The following ASTN2 variants were observed in gnomAD, a reference collection of about 807,000 sequenced individuals.
ASTN2 encodes astrotactin-2.
In ASTN2, 54 loss-of-function variants were observed where a neutral mutation model predicts 139.8. The observed-to-expected ratio is 0.39, with a 90% CI of 0.31 to 0.48. The LOEUF (loss-of-function observed/expected upper bound fraction) is 0.48, where lower values mean the gene tolerates loss of function less well. ASTN2 is among the 20% of genes least tolerant of loss of function. The pLI, the probability that ASTN2 is intolerant of heterozygous loss-of-function variation, is 0.95. For synonymous variants in ASTN2, 756 were observed against 719.5 expected (o/e 1.05, Z -0.81); for missense variants, 1,565 against 1,725.1 (o/e 0.91, Z 1.64).
At chr9:116,532,839 A>C (rs1203228645) in intron 19 of ASTN2, among the ~76,000 whole-genome samples, 1 of 152,190 alleles carries the variant, frequency 6.6e-6, no homozygotes, top group Non-Finnish European at 1.5e-5. Context: ...TGTCTTGGCA[A>C]TTCGGACTCT....
intron 17 of ASTN2, among the ~76,000 whole-genome samples, chr9:116,647,965 G>A (rs1050749147): frequency 6.6e-6 from 1 of 151,482 alleles, no homozygotes; most frequent in African/African-American, 2.4e-5. Context: ...GTAGCTGGAT[G>A]ACAGGTGTGC....
intron 2 of ASTN2, among the ~76,000 whole-genome samples, chr9:117,263,242 G>A (rs889757265): frequency 6.6e-6 from 1 of 152,066 alleles, no homozygotes; most frequent in Non-Finnish European, 1.5e-5. Flanking sequence ...TTATGACCGG[G>A]AGAGATTTTG....
chr9:116,546,086 A>T (rs1290571552), intron 19 of ASTN2: 1 of 152,256 alleles, frequency 6.6e-6, no homozygotes, highest in Non-Finnish European at 1.5e-5. Context: ...TAAAGATGAG[A>T]GTGCCTCGGG....
At chr9:116,701,964 A>G (rs1345215483) in intron 16 of ASTN2, among the ~76,000 whole-genome samples, 1 of 151,766 alleles carries the variant, frequency 6.6e-6, no homozygotes, top group African/African-American at 2.4e-5. Context: ...ATCATGTAAA[A>G]TAGATCAAAG....
chr9:116,563,361 C>T (rs62576080), intron 19 of ASTN2, among the ~76,000 whole-genome samples: 3 of 149,832 alleles, frequency 2.0e-5, no homozygotes, highest in East Asian at 2.0e-4. Flanking sequence ...GGTGATAGAG[C>T]GAGACTCTGT....
At chr9:117,076,438 T>A (rs1039941938) in intron 5 of ASTN2, among the ~76,000 whole-genome samples, 2 of 152,062 alleles carry the variant, frequency 1.3e-5, no homozygotes, top group African/African-American at 2.4e-5. Context: ...GAGGGATTCA[T>A]CTCATTGAAA....
At chr9:116,508,693 T>C (rs1850222523) in intron 19 of ASTN2, among the ~76,000 whole-genome samples, 1 of 152,152 alleles carries the variant, frequency 6.6e-6, no homozygotes, top group African/African-American at 2.4e-5. Flanking sequence ...GGAGGTGATT[T>C]GTCACAACAG....
chr9:117,370,588 TA>T (rs1395513855), intron 1 of ASTN2, among the ~76,000 whole-genome samples: 1 of 152,222 alleles, frequency 6.6e-6, no homozygotes, highest in Non-Finnish European at 1.5e-5. Flanking sequence ...TTATAGCTCC[TA>T]TTTTATTAAA....
chr9:116,774,807 C>G (rs1830038717), intron 13 of ASTN2, among the ~76,000 whole-genome samples: 1 of 152,200 alleles, frequency 6.6e-6, no homozygotes, highest in South Asian at 2.1e-4. Context: ...TCATTTTCCT[C>G]ACCATGACTG....
intron 6 of ASTN2, among the ~76,000 whole-genome samples, chr9:117,026,644 G>A (rs1353803859): frequency 1.3e-5 from 2 of 152,010 alleles, no homozygotes; most frequent in Non-Finnish European, 1.5e-5. Flanking sequence ...AACTCAATAT[G>A]GCAGCGCCTA....
intron 19 of ASTN2, among the ~76,000 whole-genome samples, chr9:116,572,671 C>T (rs1197083135): frequency 6.6e-6 from 1 of 152,138 alleles, no homozygotes; most frequent in Non-Finnish European, 1.5e-5. Context: ...GTCAGCTATT[C>T]CCAATTTATG....
chr9:116,527,997 A>C (rs1851168162), intron 19 of ASTN2, among the ~76,000 whole-genome samples: 1 of 152,192 alleles, frequency 6.6e-6, no homozygotes, highest in Non-Finnish European at 1.5e-5. Context: ...AGCAGTGTGA[A>C]AACAACTAAT....
intron 10 of ASTN2, among the ~76,000 whole-genome samples, chr9:116,890,316 C>T (rs116079645): frequency 0.023 from 3,573 of 152,272 alleles, 135 homozygotes; most frequent in African/African-American, 0.081. Flanking sequence ...ATTCCATATT[C>T]CTAACTGCAC....
chr9:116,776,713 T>G (rs1830095812), intron 13 of ASTN2, among the ~76,000 whole-genome samples: 1 of 151,760 alleles, frequency 6.6e-6, no homozygotes, highest in Non-Finnish European at 1.5e-5. Context: ...GCTTGGAGAG[T>G]GCTGGCAATG....
chr9:116,948,089 AT>A (rs1460933745), intron 10 of ASTN2, among the ~76,000 whole-genome samples: 1 of 152,174 alleles, frequency 6.6e-6, no homozygotes, highest in Non-Finnish European at 1.5e-5. Context: ...ATAAGTCATG[AT>A]TCTTTGATAG....
intron 3 of ASTN2, among the ~76,000 whole-genome samples, chr9:117,212,112 T>C (rs553940223): frequency 1.3e-4 from 20 of 152,288 alleles, no homozygotes; most frequent in Non-Finnish European, 2.4e-4. Context: ...CAGAAATTTA[T>C]TTACAGTCTA....
At chr9:116,990,898 G>A (rs1424670700) in intron 7 of ASTN2, among the ~76,000 whole-genome samples, 1 of 152,076 alleles carries the variant, frequency 6.6e-6, no homozygotes, top group African/African-American at 2.4e-5. Context: ...AGAGTGTGAT[G>A]GGCTGTTCAC....
intron 13 of ASTN2, among the ~76,000 whole-genome samples, chr9:116,751,754 C>T (rs1183557983): frequency 3.9e-5 from 6 of 152,038 alleles, no homozygotes; most frequent in African/African-American, 1.4e-4. Context: ...AACAAAACAT[C>T]ATTTACATTA....
chr9:116,705,665 AAATC>A (rs1427910264), intron 16 of ASTN2, among the ~76,000 whole-genome samples: 1 of 152,162 alleles, frequency 6.6e-6, no homozygotes, highest in African/African-American at 2.4e-5. Flanking sequence ...AATGCAAAGA[AAATC>A]AGTCATGAAT....
Sources: gnomAD v4.1 joint callset for allele counts (sites outside exome capture counted in the v4.1 genomes callset) on GRCh38, gnomAD v4.1.1 for gene constraint, MANE v1.5 for transcripts, NCBI Gene and HGNC (gene_info 2026-07-23, HGNC 2026-07-21) for gene names.